Variants in HIVEP3 observed in about 807,000 individuals in gnomAD.
HIVEP3 encodes transcription factor HIVEP3.
A neutral mutation model predicts 152.8 loss-of-function variants in HIVEP3; 49 were observed. The observed-to-expected ratio is 0.32, with a 90% CI of 0.26 to 0.41. HIVEP3 has a LOEUF of 0.41. HIVEP3 is among the 10% of genes least tolerant of loss of function. HIVEP3 has a pLI of 1.00. For missense variants in HIVEP3, 2,790 were observed against 3,103.3 expected, an observed-to-expected ratio of 0.90 and a Z score of 2.40; for synonymous variants, 1,269 against 1,289.0, an observed-to-expected ratio of 0.98 and a Z score of 0.33.
intron 2 of HIVEP3, among the ~76,000 whole-genome samples, chr1:41,685,181 A>C (rs1282073572): frequency 1.3e-5 from 2 of 152,190 alleles, no homozygotes; most frequent in African/African-American, 4.8e-5. Flanking sequence ...GGTGTTTTGC[A>C]AACTGTACCT....
intron 1 of HIVEP3, among the ~76,000 whole-genome samples, chr1:41,752,144 G>A (rs1469979777): frequency 2.6e-5 from 4 of 152,170 alleles, no homozygotes; most frequent in South Asian, 2.1e-4. Context: ...TTTGATTTCC[G>A]AAAATCTTCT....
chr1:42,032,434 A>G (rs1001753030), intron 1 of HIVEP3, among the ~76,000 whole-genome samples: 7 of 152,222 alleles, frequency 4.6e-5, no homozygotes. Flanking sequence ...GAAATACTGC[A>G]ATTTTTCTTC....
rs200089353 is a variant in HIVEP3 at position 41,511,228 on chromosome 1, G to A, written c.6444C>T (p.Gly2148=). The A allele has an allele frequency of 1.2e-6, 2 of 1,612,722 alleles. No individual in the cohort carries two copies. The highest frequency in any genetic ancestry group is 1.7e-4 in the Middle Eastern group (1 of 5,958). Residue 2148 remains glycine (G), a synonymous_variant, in exon 9 of 9, where the codon GGC becomes GGT. Coordinates refer to ENST00000372583, the MANE Select transcript of HIVEP3 (RefSeq NM_024503.5). This position sits in a 1 kb window ranked among gnomAD's most constrained non-coding sequence, Gnocchi z 4.9. The part of the protein sequence containing the change: ...AESRSPSCSP[G]PAHPLSSRPF... The stretch of plus-strand genomic sequence containing the variant: ...GTCGGGAGGAGAGAGGATGAGCAGG[G>A]CCGGGTGAGCAGGAGGGACTTCGGG...
chr1:41,933,593 G>T (rs575749075), intron 1 of HIVEP3, among the ~76,000 whole-genome samples: 1 of 152,098 alleles, frequency 6.6e-6, no homozygotes, highest in South Asian at 2.1e-4. Context: ...GTGTATAGCT[G>T]GTTCTTAATT....
intron 1 of HIVEP3, among the ~76,000 whole-genome samples, chr1:41,851,235 C>T (rs1365554456): frequency 1.4e-5 from 2 of 145,732 alleles, no homozygotes; most frequent in African/African-American, 5.0e-5. Flanking sequence ...ACATATCTGT[C>T]TAATGAACAA....
At chr1:41,727,730 T>A (rs1339803440) in intron 1 of HIVEP3, among the ~76,000 whole-genome samples, 2 of 152,202 alleles carry the variant, frequency 1.3e-5, no homozygotes, top group Non-Finnish European at 2.9e-5. Context: ...AAGCATGGCC[T>A]CATCCCGCCA....
chr1:41,632,567 C>G (rs1645211108), intron 2 of HIVEP3, among the ~76,000 whole-genome samples: 1 of 152,046 alleles, frequency 6.6e-6, no homozygotes, highest in African/African-American at 2.4e-5. Context: ...ACCATCCTGG[C>G]CAACATGGTG....
At chr1:41,751,024 T>A (rs1429824974) in intron 1 of HIVEP3, among the ~76,000 whole-genome samples, 1 of 152,138 alleles carries the variant, frequency 6.6e-6, no homozygotes, top group African/African-American at 2.4e-5. Flanking sequence ...CGGCCCCCAG[T>A]GCACCCTTGG....
Position 41,509,708 on chromosome 1 carries a change from A to G in HIVEP3, c.*743T>C, listed in dbSNP as rs1644421309. On this transcript the variant is annotated 3_prime_UTR_variant, in exon 9 of 9. Coordinates refer to ENST00000372583, the MANE Select transcript of HIVEP3 (RefSeq NM_024503.5). ...ACCTGTGGAGTGCCAGGATGGGCCC[A>G]TGACTCAGACTACCAGAGTATCCAG... The G allele has an allele frequency of 1.3e-5, 2 of 151,064 alleles. No individual in the cohort carries two copies. Among genetic ancestry groups the G allele is most frequent in the East Asian group, 2.0e-4 (1 of 5,104 alleles). 9.4% of individuals were successfully genotyped at this position (151,064 alleles called of 1,614,324 possible).
At chr1:41,914,603 C>T (rs1404235373) in intron 1 of HIVEP3, among the ~76,000 whole-genome samples, 1 of 152,190 alleles carries the variant, frequency 6.6e-6, no homozygotes, top group Non-Finnish European at 1.5e-5. Flanking sequence ...TAACTGAACA[C>T]ATTGTCAGAG....
intron 1 of HIVEP3, among the ~76,000 whole-genome samples, chr1:41,932,843 G>T (rs780385169): frequency 1.5e-4 from 22 of 151,452 alleles, no homozygotes; most frequent in Non-Finnish European, 2.7e-4. Context: ...CACTACTTTA[G>T]CTTCATTTCC....
rs575692047 is a variant in HIVEP3 at position 41,725,661 on chromosome 1, A to T, written c.-800-24666T>A. ...GAAACTCCATAAGAGGCAAGGGCCAACAGTCCTCTGTCCCTTCCTCCAGTG... is the reference window on the plus strand; with the variant it reads ...GAAACTCCATAAGAGGCAAGGGCCATCAGTCCTCTGTCCCTTCCTCCAGTG... On this transcript the variant is annotated intron_variant, in intron 1 of 8. Transcript: ENST00000372583. Among the ~76,000 whole-genome samples the T allele has an allele frequency of 3.5e-4, 54 of 152,366 alleles. No homozygotes were observed. In the South Asian group the frequency reaches 0.011, roughly 32 times the overall value.
Position 41,559,133 on chromosome 1 carries a change from C to T in HIVEP3, c.5207+16411G>A, listed in dbSNP as rs1644017355. ...TCCGCTTGGAGCTTTGGCCCCGCTGCCTCCTTTGGTCCAAGGCCTTTCACC... is the reference window on the plus strand; with the variant it reads ...TCCGCTTGGAGCTTTGGCCCCGCTGTCTCCTTTGGTCCAAGGCCTTTCACC... On this transcript the variant is annotated intron_variant, in intron 5 of 8. Coordinates refer to ENST00000372583, the MANE Select transcript of HIVEP3 (RefSeq NM_024503.5). Among the ~76,000 whole-genome samples, 4 of 152,222 alleles carry T rather than the reference C, an allele frequency of 2.6e-5. 1 individual carries two copies. The Middle Eastern group carries it at 0.01, about 388-fold the overall frequency.
chr1:41,845,421 A>ACG (rs1186767731), intron 1 of HIVEP3, among the ~76,000 whole-genome samples: 8 of 18,018 alleles, frequency 4.4e-4, no homozygotes, highest in Non-Finnish European at 1.3e-3. Context: ...ACACACACGC[A>ACG]CACACACACA....
At chr1:41,587,836 C>T (rs1644527828) in intron 3 of HIVEP3, among the ~76,000 whole-genome samples, 1 of 152,196 alleles carries the variant, frequency 6.6e-6, no homozygotes, top group Non-Finnish European at 1.5e-5. Context: ...TAGAAGTTCT[C>T]TGTGGCTTCT....
chr1:41,788,141 T>A (rs1327109755), intron 1 of HIVEP3, among the ~76,000 whole-genome samples: 1 of 152,110 alleles, frequency 6.6e-6, no homozygotes, highest in African/African-American at 2.4e-5. Context: ...CTTCAGACTA[T>A]CCAGACAACC....
intron 1 of HIVEP3, among the ~76,000 whole-genome samples, chr1:41,770,465 G>C (rs1648282532): frequency 6.6e-6 from 1 of 152,160 alleles, no homozygotes; most frequent in African/African-American, 2.4e-5. Context: ...AGATTATGGA[G>C]AGGGGACAAT....
intron 1 of HIVEP3, among the ~76,000 whole-genome samples, chr1:41,784,506 C>T (rs568831924): frequency 6.6e-6 from 1 of 152,282 alleles, no homozygotes; most frequent in East Asian, 1.9e-4. Flanking sequence ...CAGAGGAGTC[C>T]TGGGACCCAG....
Position 41,540,328 on chromosome 1 carries a change from T to G in HIVEP3, c.5208-15418A>C, listed in dbSNP as rs546845261. ...AACAGTTTTAAATCCTGCAATGAGCTCAAGGTGTCAGCACCATGAAGGCCG... is the reference window on the plus strand; with the variant it reads ...AACAGTTTTAAATCCTGCAATGAGCGCAAGGTGTCAGCACCATGAAGGCCG... On this transcript the variant is annotated intron_variant, in intron 5 of 8. Coordinates refer to ENST00000372583, the MANE Select transcript of HIVEP3 (RefSeq NM_024503.5). 2.0e-5 allele frequency among the ~76,000 whole-genome samples: 3 copies of G among 152,286 alleles called. No individual in the cohort carries two copies. In the East Asian group the frequency reaches 5.8e-4, roughly 29 times the overall value.
Sources: allele counts gnomAD v4.1 joint callset (sites outside exome capture counted in the v4.1 genomes callset), GRCh38; gene constraint gnomAD v4.1.1; non-coding constraint Gnocchi (gnomAD v3.1); transcripts MANE v1.5; gene names NCBI Gene and HGNC (gene_info 2026-07-23, HGNC 2026-07-21).